PHLPP1: variants seen among roughly 807,000 people sequenced by gnomAD.
The protein encoded by PHLPP1 is PH domain leucine-rich repeat-containing protein phosphatase 1.
PHLPP1 carries 42 observed loss-of-function variants against 117.2 expected under a neutral mutation model. The observed-to-expected ratio is 0.36, with a 90% CI of 0.28 to 0.46. The LOEUF is 0.46. PHLPP1 is among the 20% of genes least tolerant of loss of function. The pLI is 1.00. For synonymous variants in PHLPP1, 1,042 were observed against 970.7 expected (o/e 1.07, Z -1.37); for missense variants, 2,084 against 2,241.9 (o/e 0.93, Z 1.42).
intron 1 of PHLPP1, among the ~76,000 whole-genome samples, chr18:62,758,207 C>CT (rs1031692133): frequency 6.6e-6 from 1 of 152,064 alleles, no homozygotes; most frequent in East Asian, 1.9e-4. Context: ...GTAATTGTAA[C>CT]TTTTTTTTCT....
intron 14 of PHLPP1, among the ~76,000 whole-genome samples, chr18:62,970,102 C>G (rs1211718201): frequency 6.6e-6 from 1 of 151,752 alleles, no homozygotes; most frequent in Non-Finnish European, 1.5e-5. Context: ...TATTCTTATT[C>G]TACCGTGTGT....
At chr18:62,800,632 C>A (rs536416856) in intron 1 of PHLPP1, among the ~76,000 whole-genome samples, 2 of 151,642 alleles carry the variant, frequency 1.3e-5, no homozygotes, top group South Asian at 4.2e-4. Flanking sequence ...AAAGAAGAGT[C>A]TCTGTTGTAA....
At chr18:62,803,710 G>C (rs528165092) in intron 1 of PHLPP1, among the ~76,000 whole-genome samples, 276 of 152,256 alleles carry the variant, frequency 1.8e-3, no homozygotes, top group African/African-American at 6.5e-3. Flanking sequence ...TGGTAAATCT[G>C]TAGGAATGGA....
chr18:62,803,120 C>T (rs1210460098), intron 1 of PHLPP1, among the ~76,000 whole-genome samples: 2 of 152,112 alleles, frequency 1.3e-5, no homozygotes, highest in Non-Finnish European at 2.9e-5. Flanking sequence ...ATGTTTTGTT[C>T]TGGAAGACTA....
intron 1 of PHLPP1, among the ~76,000 whole-genome samples, chr18:62,798,486 G>T (rs975722945): frequency 1.3e-5 from 2 of 152,144 alleles, no homozygotes; most frequent in Non-Finnish European, 2.9e-5. Flanking sequence ...GTTTACGGGA[G>T]TTGACTCACA....
chr18:62,971,966 G>A (rs1911060357), intron 14 of PHLPP1, among the ~76,000 whole-genome samples: 1 of 150,324 alleles, frequency 6.7e-6, no homozygotes, highest in Non-Finnish European at 1.5e-5. Flanking sequence ...AGCCCTAGAA[G>A]TGGAGACTGC....
intron 1 of PHLPP1, among the ~76,000 whole-genome samples, chr18:62,765,896 G>T (rs1327294927): frequency 8.7e-5 from 13 of 150,112 alleles, no homozygotes; most frequent in Admixed American, 3.3e-4. Context: ...TACTCGGGAG[G>T]CTGAGGCAGG....
intron 3 of PHLPP1, 179 bp downstream of exon 3, chr18:62,839,088 T>G: frequency 1.6e-6 from 1 of 609,056 alleles, no homozygotes; most frequent in Non-Finnish European, 2.8e-6. Flanking sequence ...AAAAGTGGCT[T>G]TTTAAAAATT....
chr18:62,829,360 C>T (rs911915812), intron 1 of PHLPP1, among the ~76,000 whole-genome samples: 3 of 152,124 alleles, frequency 2.0e-5, no homozygotes, highest in African/African-American at 7.2e-5. Context: ...CTATCTCAGG[C>T]TATAATACTT....
chr18:62,871,886 C>T (rs936294810), intron 4 of PHLPP1, among the ~76,000 whole-genome samples: 1 of 152,074 alleles, frequency 6.6e-6, no homozygotes, highest in Admixed American at 6.6e-5. Flanking sequence ...CTCAAGTGAT[C>T]CGCCTGCCTC....
rs1290365126 is a variant in PHLPP1, at chr18:62,716,535, G to T, written c.852G>T (p.Ala284=). 2 of 1,181,962 alleles carry T rather than the reference G, an allele frequency of 1.7e-6. No individual in the cohort carries two copies. The highest frequency in any genetic ancestry group is 2.1e-6 in the Non-Finnish European group (2 of 956,808). 73.2% of individuals were successfully genotyped at this position (1,181,962 alleles called of 1,614,324 possible). Residue 284 remains alanine (A), a synonymous_variant, in exon 1 of 17, where the codon GCG becomes GCT. Coordinates refer to ENST00000262719, the MANE Select transcript of PHLPP1 (RefSeq NM_194449.4). This position sits in a 1 kb window ranked among gnomAD's most constrained non-coding sequence, Gnocchi z 5.7. ...CGCGGGACTCGGAGGTACCGCCCGCGAGGAGCGCGCCGGGTGCCTTCGGGG... is the reference window on the plus strand; with the variant it reads ...CGCGGGACTCGGAGGTACCGCCCGCTAGGAGCGCGCCGGGTGCCTTCGGGG... ...PEPRDSEVPP[A]RSAPGAFGGP... is the part of the protein sequence containing the mutation.
At chr18:62,776,798 C>T (rs7242751) in intron 1 of PHLPP1, among the ~76,000 whole-genome samples, 35 of 151,990 alleles carry the variant, frequency 2.3e-4, no homozygotes, top group South Asian at 2.1e-3. Context: ...TTAGTAGAGA[C>T]GGGGTTTCAC....
At chr18:62,898,051 G>A (rs1396506261) in intron 6 of PHLPP1, among the ~76,000 whole-genome samples, 1 of 81,764 alleles carries the variant, frequency 1.2e-5, no homozygotes, top group Non-Finnish European at 3.7e-5. Context: ...AAGTGTGGCT[G>A]TTACTTCTTG....
chr18:62,922,041 A>G (rs1427318835), intron 10 of PHLPP1, among the ~76,000 whole-genome samples: 1 of 152,264 alleles, frequency 6.6e-6, no homozygotes, highest in African/African-American at 2.4e-5. Context: ...ATTGGCCAGT[A>G]CTGTGTCATC....
chr18:62,832,183 TA>T (rs1348004093), intron 2 of PHLPP1: 1 of 152,208 alleles, frequency 6.6e-6, no homozygotes, highest in Admixed American at 6.6e-5. Context: ...CCAGAAATAC[TA>T]ACATAGCTAA....
chr18:62,929,215 C>T (rs1411347830), intron 10 of PHLPP1, among the ~76,000 whole-genome samples: 12 of 152,048 alleles, frequency 7.9e-5, no homozygotes, highest in Non-Finnish European at 1.8e-4. Flanking sequence ...GATCCCTTCT[C>T]CAGGAATCTG....
intron 1 of PHLPP1, among the ~76,000 whole-genome samples, chr18:62,775,986 G>T (rs892628858): frequency 1.3e-5 from 2 of 151,738 alleles, no homozygotes; most frequent in East Asian, 1.9e-4. Context: ...TTGTATTAGG[G>T]TTCTCCAGAA....
intron 4 of PHLPP1, among the ~76,000 whole-genome samples, chr18:62,877,470 T>G (rs1277914015): frequency 6.6e-6 from 1 of 152,222 alleles, no homozygotes; most frequent in East Asian, 1.9e-4. Flanking sequence ...TGCAGACTGC[T>G]GAAGAAAGAG....
chr18:62,893,172 G>A (rs1160583805), intron 4 of PHLPP1, among the ~76,000 whole-genome samples: 1 of 151,786 alleles, frequency 6.6e-6, no homozygotes. Context: ...CTCCAGCATA[G>A]CTGGGACTAC....
Sources: allele counts gnomAD v4.1 joint callset (sites outside exome capture counted in the v4.1 genomes callset), GRCh38; gene constraint gnomAD v4.1.1; non-coding constraint Gnocchi (gnomAD v3.1); transcripts MANE v1.5; gene names NCBI Gene and HGNC (gene_info 2026-07-23, HGNC 2026-07-21).